The following ACAT2 variants were observed in gnomAD, a reference collection of about 807,000 sequenced individuals.
The protein encoded by ACAT2 is acetyl-CoA acetyltransferase, cytosolic.
Under a neutral mutation model 37.1 loss-of-function variants are expected in ACAT2, and 26 were observed. The observed-to-expected ratio is 0.70, with a 90% CI of 0.51 to 0.97. The LOEUF (loss-of-function observed/expected upper bound fraction) is 0.97. ACAT2 is among the 50% of genes least tolerant of loss of function. The pLI is 0.00. For missense variants in ACAT2, 468 were observed against 489.0 expected (o/e 0.96, Z 0.40); for synonymous variants, 156 against 163.6 (o/e 0.95, Z 0.35).
intron 2 of ACAT2, among the ~76,000 whole-genome samples, chr6:159,766,628 C>T (rs540821192): frequency 2.6e-5 from 4 of 152,208 alleles, no homozygotes; most frequent in Admixed American, 6.5e-5. Context: ...CTCAAACTCC[C>T]GACCTCAGGT....
chr6:159,778,343 G>C, intron 8 of ACAT2, 63 bp downstream of exon 8: 1 of 1,130,702 alleles, frequency 8.8e-7, no homozygotes, highest in Non-Finnish European at 1.2e-6. Flanking sequence ...TTTTAAGATA[G>C]TATCTTCTAG....
intron 5 of ACAT2, 166 bp downstream of exon 5, chr6:159,775,479 C>T (rs1780398527): frequency 1.3e-6 from 1 of 768,292 alleles, no homozygotes; most frequent in African/African-American, 1.7e-5. Flanking sequence ...GCTGGGTTTA[C>T]AGGACACGGT....
chr6:159,762,466 G>A (rs1012771780), intron 1 of ACAT2: 27 of 1,331,198 alleles, frequency 2.0e-5, no homozygotes, highest in Non-Finnish European at 2.6e-5. Flanking sequence ...GGCCGGCTCC[G>A]GGAGGCGCCA....
chr6:159,771,016 G>A (rs1780327713), intron 4 of ACAT2, among the ~76,000 whole-genome samples: 1 of 152,038 alleles, frequency 6.6e-6, no homozygotes, highest in Non-Finnish European at 1.5e-5. Context: ...AGCAAGCTGA[G>A]ATCACACCAT....
At position 159,762,392 on chromosome 6, in the gene ACAT2, A is replaced by G. The variant is rs1013878030; in HGVS notation, c.55+250A>G. On this transcript the variant is annotated intron_variant, in intron 1 of 8. Transcript: ENST00000367048. ...TTGGATTGGCTCCCGGGGTAGAGCC[A>G]TCGCGTGGCCTGCCTCTCCCATTGG... The G allele has an allele frequency of 1.7e-5, 24 of 1,381,956 alleles. No homozygotes were observed. The Admixed American group carries it at 5.4e-4, about 31-fold the overall frequency. 85.6% of individuals were successfully genotyped at this position (1,381,956 alleles called of 1,614,324 possible).
intron 4 of ACAT2, among the ~76,000 whole-genome samples, chr6:159,772,591 A>C (rs1373512295): frequency 3.9e-5 from 6 of 152,210 alleles, no homozygotes; most frequent in African/African-American, 1.4e-4. Context: ...TGGATTTAAA[A>C]ATAAAAGCAA....
intron 1 of ACAT2, chr6:159,762,646 G>T (rs1170418486): frequency 2.8e-6 from 4 of 1,441,684 alleles, no homozygotes; most frequent in African/African-American, 2.8e-5. Context: ...GCATGGGGTC[G>T]CATCCAGTCC....
chr6:159,775,291 A>C lies in ACAT2; in HGVS notation c.612A>C (p.Pro204=). The C allele has an allele frequency of 6.2e-7, 1 of 1,614,178 alleles. No homozygotes were observed. The highest frequency in any genetic ancestry group is 8.5e-7 in the Non-Finnish European group (1 of 1,180,018). The change falls in exon 5 of 9, where the codon CCA becomes CCC. Residue 204 remains proline (P), a synonymous_variant. Coordinates refer to ENST00000367048, the MANE Select transcript of ACAT2 (RefSeq NM_005891.3). ...GCCATTTTGACAAAGAGATTGTACC[A>C]GTTTTGGTGTCAACTAGAAAAGGTG... ...KAGHFDKEIV[P]VLVSTRKGLI... is the part of the protein sequence containing the mutation.
At chr6:159,769,111 T>A (rs1780298282) in intron 4 of ACAT2, among the ~76,000 whole-genome samples, 1 of 152,186 alleles carries the variant, frequency 6.6e-6, no homozygotes, top group South Asian at 2.1e-4. Context: ...AGTTAAAGAA[T>A]CAAACCCTGA....
intron 4 of ACAT2, among the ~76,000 whole-genome samples, chr6:159,768,910 G>C (rs961297272): frequency 6.6e-6 from 1 of 152,160 alleles, no homozygotes; most frequent in African/African-American, 2.4e-5. Context: ...CTGTGGCAGA[G>C]GTAGTGACAG....
chr6:159,775,979 G>A (rs1007271247), intron 5 of ACAT2, 171 bp from the exon 6 acceptor site: 2 of 662,000 alleles, frequency 3.0e-6, no homozygotes, highest in South Asian at 2.0e-5. Context: ...TTGTTTTCAT[G>A]TACAATAATT....
At position 159,779,095 on chromosome 6, in the gene ACAT2, TATC is replaced by T. The variant is rs1460359205; in HGVS notation, c.*270_*272del. The T allele has an allele frequency of 6.2e-7, 1 of 1,614,014 alleles. No individual in the cohort carries two copies. Among genetic ancestry groups the T allele is most frequent in the Non-Finnish European group, 8.5e-7 (1 of 1,179,982 alleles). ...ACAGCATCTTCATAACTTCCATGTT[TATC>T]ATCTTTACTTTCTGGATGTAATTTA... On this transcript the variant is annotated 3_prime_UTR_variant, in exon 9 of 9. Transcript: ENST00000367048.
chr6:159,763,118 A>ACTCT, intron 2 of ACAT2, 65 bp downstream of exon 2: 3 of 1,548,344 alleles, frequency 1.9e-6, no homozygotes, highest in Non-Finnish European at 2.6e-6. Context: ...ACACACACAC[A>ACTCT]CACACACTCT....
intron 4 of ACAT2, among the ~76,000 whole-genome samples, chr6:159,774,254 A>G (rs992572595): frequency 6.6e-6 from 1 of 152,248 alleles, no homozygotes; most frequent in Non-Finnish European, 1.5e-5. Context: ...ATGTTCTTCA[A>G]AAATATCAAG....
intron 2 of ACAT2, among the ~76,000 whole-genome samples, chr6:159,763,670 C>T (rs1344436038): frequency 9.7e-6 from 1 of 102,796 alleles, no homozygotes; most frequent in African/African-American, 3.8e-5. Context: ...GACGGAGTCT[C>T]TCTCTGTGGC....
chr6:159,775,057 T>G (rs1032067892), intron 4 of ACAT2, 113 bp from the exon 5 acceptor site: 442 of 1,242,420 alleles, frequency 3.6e-4, no homozygotes, highest in Non-Finnish European at 4.4e-4. Flanking sequence ...CAGGCCACCA[T>G]GAGCCTGCTA....
At chr6:159,770,309 A>G (rs975095184) in intron 4 of ACAT2, among the ~76,000 whole-genome samples, 1 of 152,238 alleles carries the variant, frequency 6.6e-6, no homozygotes, top group African/African-American at 2.4e-5. Context: ...GGTGGAAAAA[A>G]ACCACAACAG....
chr6:159,765,731 C>T (rs1015002128), intron 2 of ACAT2, among the ~76,000 whole-genome samples: 1 of 152,180 alleles, frequency 6.6e-6, no homozygotes, highest in Non-Finnish European at 1.5e-5. Flanking sequence ...CCACTGCTCA[C>T]AGCCTGAGGC....
chr6:159,762,428 G>T (rs1780161422), intron 1 of ACAT2: 1 of 1,369,118 alleles, frequency 7.3e-7, no homozygotes, highest in Non-Finnish European at 9.4e-7. Context: ...TTGGCGTAGG[G>T]AGGTGTTCTC....
Sources: gnomAD v4.1 joint callset for allele counts (sites outside exome capture counted in the v4.1 genomes callset) on GRCh38, gnomAD v4.1.1 for gene constraint, MANE v1.5 for transcripts, NCBI Gene and HGNC (gene_info 2026-07-23, HGNC 2026-07-21) for gene names.